HDAC9: variants seen among roughly 807,000 people sequenced by gnomAD.
The protein encoded by HDAC9 is histone deacetylase 9.
Under a neutral mutation model 139.4 loss-of-function variants are expected in HDAC9, and 41 were observed. The ratio of observed to expected loss-of-function variants is 0.29; its 90% confidence interval spans 0.23 to 0.38. The LOEUF (loss-of-function observed/expected upper bound fraction) is 0.38. Ranked by LOEUF, HDAC9 falls within the 10% of genes least tolerant of loss-of-function variation. HDAC9 has a pLI of 1.00. For missense variants in HDAC9, 1,147 were observed against 1,297.0 expected (o/e 0.88, Z 1.78); for synonymous variants, 517 against 476.2 (o/e 1.09, Z -1.12).
chr7:18,174,601 G>T (rs1466310846), intron 2 of HDAC9, among the ~76,000 whole-genome samples: 2 of 152,154 alleles, frequency 1.3e-5, no homozygotes, highest in Non-Finnish European at 2.9e-5. Context: ...TCTACCTTTG[G>T]TCTTTGATGT....
intron 1 of HDAC9, among the ~76,000 whole-genome samples, chr7:18,310,568 C>G (rs1223833597): frequency 6.6e-6 from 1 of 152,134 alleles, no homozygotes; most frequent in Non-Finnish European, 1.5e-5. Context: ...TGCATACACT[C>G]ACGTTTAACT....
chr7:18,634,833 TC>T, intron 8 of HDAC9, 91 bp downstream of exon 8: 1 of 749,312 alleles, frequency 1.3e-6, no homozygotes, highest in African/African-American at 1.8e-5. Context: ...ACCTTCAATA[TC>T]CAAATGATAT....
At chr7:18,517,227 T>C (rs1398725930) in intron 2 of HDAC9, among the ~76,000 whole-genome samples, 1 of 152,184 alleles carries the variant, frequency 6.6e-6, no homozygotes, top group African/African-American at 2.4e-5. Flanking sequence ...TTGATATCTT[T>C]TAAGAGTCCG....
At chr7:18,546,284 C>T (rs1814790161) in intron 2 of HDAC9, among the ~76,000 whole-genome samples, 1 of 152,144 alleles carries the variant, frequency 6.6e-6, no homozygotes, top group Non-Finnish European at 1.5e-5. Context: ...GGTATAGTGG[C>T]AAGAAGTCAG....
chr7:18,720,751 G>A (rs1161459258), intron 12 of HDAC9, among the ~76,000 whole-genome samples: 1 of 150,818 alleles, frequency 6.6e-6, no homozygotes, highest in Non-Finnish European at 1.5e-5. Context: ...GCCTGATCGT[G>A]GCTCACTGCA....
intron 1 of HDAC9, among the ~76,000 whole-genome samples, chr7:18,378,276 C>G (rs1785150602): frequency 6.6e-6 from 1 of 151,728 alleles, no homozygotes; most frequent in African/African-American, 2.4e-5. Flanking sequence ...TCTTTTAGTA[C>G]AAACAAATAC....
At chr7:18,320,471 C>T (rs1031127869) in intron 1 of HDAC9, among the ~76,000 whole-genome samples, 4 of 152,122 alleles carry the variant, frequency 2.6e-5, no homozygotes, top group South Asian at 2.1e-4. Context: ...GCTGCAGGAT[C>T]GGTGGCTCTT....
At chr7:18,771,172 C>G (rs1437099479) in intron 16 of HDAC9, among the ~76,000 whole-genome samples, 4 of 152,096 alleles carry the variant, frequency 2.6e-5, no homozygotes, top group African/African-American at 9.7e-5. Flanking sequence ...AAAAGAGGCT[C>G]TAAAAGGTTT....
chr7:18,662,218 C>T (rs1793392074), intron 11 of HDAC9, among the ~76,000 whole-genome samples: 1 of 152,052 alleles, frequency 6.6e-6, no homozygotes, highest in South Asian at 2.1e-4. Flanking sequence ...TTCACCTTTG[C>T]TGCCACCTAT....
At position 18,300,299 on chromosome 7, in the gene HDAC9, C is replaced by T. The variant is rs530458589; in HGVS notation, c.-42+9784C>T. Among the ~76,000 whole-genome samples the T allele has an allele frequency of 1.3e-4, 20 of 151,952 alleles. 1 individual carries two copies. Among genetic ancestry groups the T allele is most frequent in the East Asian group, 1.2e-3 (6 of 5,170 alleles). ...GGCCCAGAGAAGCCAAAAGATTGGA[C>T]GCTCCTGCTCTAGATATACTGACTT... On this transcript the variant is annotated intron_variant, in intron 1 of 3. Transcript: ENST00000413509.
upstream of HDAC9, among the ~76,000 whole-genome samples, chr7:18,287,270 A>G (rs963879976): frequency 7.2e-5 from 11 of 152,186 alleles, no homozygotes; most frequent in Non-Finnish European, 1.5e-4. Context: ...TGCAAAGAAA[A>G]AAGAAAAATG....
At chr7:18,265,394 A>T (rs1180670155) in intron 2 of HDAC9, among the ~76,000 whole-genome samples, 2 of 152,228 alleles carry the variant, frequency 1.3e-5, no homozygotes, top group Non-Finnish European at 2.9e-5. Flanking sequence ...GTTCAAAATC[A>T]GCCATTTATT....
chr7:18,579,208 T>A (rs537314878), intron 2 of HDAC9, among the ~76,000 whole-genome samples: 1 of 152,178 alleles, frequency 6.6e-6, no homozygotes, highest in Admixed American at 6.5e-5. Flanking sequence ...AAAATGAAAA[T>A]GTTAATGAGA....
chr7:18,411,965 A>G (rs551694559), intron 1 of HDAC9, among the ~76,000 whole-genome samples: 53 of 151,856 alleles, frequency 3.5e-4, no homozygotes, highest in Middle Eastern at 3.4e-3. Flanking sequence ...AGCTGGGACT[A>G]CAGGTGTGCA....
At chr7:18,275,715 A>G (rs1796673816) in intron 2 of HDAC9, among the ~76,000 whole-genome samples, 1 of 152,114 alleles carries the variant, frequency 6.6e-6, no homozygotes. Flanking sequence ...GGGTTTGTTT[A>G]CGTGGCCTTT....
intron 1 of HDAC9, among the ~76,000 whole-genome samples, chr7:18,417,532 A>G (rs1310627584): frequency 6.6e-6 from 1 of 152,044 alleles, no homozygotes; most frequent in African/African-American, 2.4e-5. Flanking sequence ...TATGAATCTT[A>G]GTTTGTTTTG....
intron 2 of HDAC9, among the ~76,000 whole-genome samples, chr7:18,279,526 C>T (rs539959245): frequency 7.9e-5 from 12 of 151,744 alleles, no homozygotes; most frequent in Non-Finnish European, 1.8e-4. Flanking sequence ...TGCGCAGTGG[C>T]GTGATCTCAG....
chr7:18,646,937 G>T (rs1364875990), intron 9 of HDAC9, among the ~76,000 whole-genome samples: 2 of 152,076 alleles, frequency 1.3e-5, no homozygotes, highest in African/African-American at 4.8e-5. Context: ...TTGGGTATCT[G>T]TTATGAATTA....
rs531329853 is a variant in HDAC9 at position 18,577,406 on chromosome 7, A to T, written c.23-7875A>T. ...TTGGTGGCATAGGGAGGGTTAGGCA[A>T]ACATGCTTTCTTTGTGAAGCCTTTT... is the stretch of plus-strand genomic sequence containing the variant. On this transcript the variant is annotated intron_variant, in intron 2 of 25. Transcript: ENST00000686413. Among the ~76,000 whole-genome samples the T allele has an allele frequency of 1.6e-3, 239 of 152,326 alleles. 1 individual carries two copies. The highest frequency in any genetic ancestry group is 6.8e-3 in the Middle Eastern group (2 of 294).
Sources: allele counts gnomAD v4.1 joint callset (sites outside exome capture counted in the v4.1 genomes callset), GRCh38; gene constraint gnomAD v4.1.1; transcripts MANE v1.5; gene names NCBI Gene and HGNC (gene_info 2026-07-23, HGNC 2026-07-21).